CTIF: variants seen among roughly 807,000 people sequenced by gnomAD.
The protein encoded by CTIF is CBP80/20-dependent translation initiation factor.
Under a neutral mutation model 66.0 loss-of-function variants are expected in CTIF, and 21 were observed. The observed-to-expected ratio is 0.32, with a 90% confidence interval of 0.23 to 0.46. The LOEUF is 0.46. CTIF is among the 20% of genes least tolerant of loss of function. The pLI is 1.00. For missense variants in CTIF, 739 were observed against 812.7 expected (o/e 0.91, Z 1.10); for synonymous variants, 345 against 326.4 (o/e 1.06, Z -0.62).
At chr18:48,542,007 A>C (rs1344090319) in intron 1 of CTIF, among the ~76,000 whole-genome samples, 4 of 152,142 alleles carry the variant, frequency 2.6e-5, no homozygotes, top group Non-Finnish European at 5.9e-5. Flanking sequence ...TATGGCATTT[A>C]ATTAATAGTG....
At chr18:48,722,913 GC>G (rs1294339038) in intron 7 of CTIF, among the ~76,000 whole-genome samples, 1 of 152,208 alleles carries the variant, frequency 6.6e-6, no homozygotes, top group Non-Finnish European at 1.5e-5. Context: ...GGCAAGCCTG[GC>G]CCACCCTCTG....
At chr18:48,553,188 T>G (rs1028946277) in intron 1 of CTIF, among the ~76,000 whole-genome samples, 1 of 152,244 alleles carries the variant, frequency 6.6e-6, no homozygotes, top group African/African-American at 2.4e-5. Flanking sequence ...AGGTTTGTTC[T>G]AGGCTTTTGA....
At chr18:48,820,178 C>T (rs2068453230) in intron 10 of CTIF, among the ~76,000 whole-genome samples, 1 of 152,192 alleles carries the variant, frequency 6.6e-6, no homozygotes, top group South Asian at 2.1e-4. Flanking sequence ...GAAATCTTGG[C>T]TTCCCTAAAA....
At chr18:48,634,037 T>G (rs879367924) in intron 2 of CTIF, among the ~76,000 whole-genome samples, 1 of 152,218 alleles carries the variant, frequency 6.6e-6, no homozygotes, top group Non-Finnish European at 1.5e-5. Context: ...AATTTGCATG[T>G]AATTGCCACA....
At chr18:48,672,380 T>C (rs1482642532) in intron 6 of CTIF, among the ~76,000 whole-genome samples, 2 of 152,114 alleles carry the variant, frequency 1.3e-5, no homozygotes. Context: ...ATGTGGGATA[T>C]TTAGGACTCC....
intron 1 of CTIF, among the ~76,000 whole-genome samples, chr18:48,554,256 A>T (rs1045923361): frequency 6.6e-6 from 1 of 152,164 alleles, no homozygotes; most frequent in African/African-American, 2.4e-5. Flanking sequence ...GAAACCAGTG[A>T]CTTGGCCAAG....
At chr18:48,573,934 T>A (rs1190012296) in intron 1 of CTIF, among the ~76,000 whole-genome samples, 5 of 152,210 alleles carry the variant, frequency 3.3e-5, no homozygotes, top group African/African-American at 1.2e-4. Context: ...TGGTGGCTGG[T>A]GTCATTACCC....
intron 2 of CTIF, among the ~76,000 whole-genome samples, chr18:48,622,308 G>A (rs2090510020): frequency 2.0e-5 from 3 of 152,112 alleles, no homozygotes; most frequent in African/African-American, 7.2e-5. Context: ...CCAGGAGTGG[G>A]GTGTTTGAAA....
intron 7 of CTIF, among the ~76,000 whole-genome samples, chr18:48,720,346 A>G (rs1222702286): frequency 2.0e-5 from 3 of 152,100 alleles, no homozygotes; most frequent in Non-Finnish European, 4.4e-5. Flanking sequence ...CTTCATTTGC[A>G]CCATGCTGGG....
At chr18:48,596,741 G>T (rs1040395428) in intron 1 of CTIF, among the ~76,000 whole-genome samples, 1 of 152,152 alleles carries the variant, frequency 6.6e-6, no homozygotes, top group African/African-American at 2.4e-5. Flanking sequence ...CTCCCAAAGT[G>T]CTGGGATTAC....
At position 48,695,415 on chromosome 18, in the gene CTIF, T is replaced by A. The variant is rs9961736; in HGVS notation, c.508-16204T>A. 2.4e-3 allele frequency among the ~76,000 whole-genome samples: 367 copies of A among 152,322 alleles called. 1 individual carries two copies. Among genetic ancestry groups the A allele is most frequent in the African/African-American group, 8.7e-3 (361 of 41,568 alleles). ...GGGAACCCACGCACACACTTCTGGATGGGCACTCGCTGCCGTCAGTGCTGG... is the reference window on the plus strand; with the variant it reads ...GGGAACCCACGCACACACTTCTGGAAGGGCACTCGCTGCCGTCAGTGCTGG... On this transcript the variant is annotated intron_variant, in intron 6 of 11. Transcript: ENST00000256413.
intron 2 of CTIF, among the ~76,000 whole-genome samples, chr18:48,623,053 G>A (rs894616678): frequency 4.6e-5 from 7 of 152,362 alleles, no homozygotes; most frequent in Middle Eastern, 3.4e-3. Context: ...CCCTCCCAGC[G>A]CTTTCAGTCT....
At chr18:48,743,717 A>G (rs908700154) in intron 7 of CTIF, among the ~76,000 whole-genome samples, 1 of 152,262 alleles carries the variant, frequency 6.6e-6, no homozygotes, top group African/African-American at 2.4e-5. Context: ...TTCCAATAAC[A>G]TATCAATCTA....
At chr18:48,658,130 ATG>A (rs1231273808) in intron 3 of CTIF, among the ~76,000 whole-genome samples, 1 of 151,950 alleles carries the variant, frequency 6.6e-6, no homozygotes, top group Non-Finnish European at 1.5e-5. Context: ...ATGTATGTGT[ATG>A]TGTGTGTGGT....
chr18:48,729,483 G>A (rs2092417731), intron 7 of CTIF, among the ~76,000 whole-genome samples: 1 of 152,206 alleles, frequency 6.6e-6, no homozygotes, highest in South Asian at 2.1e-4. Context: ...GGCTCCCCCA[G>A]CCTTTCTCAC....
At chr18:48,664,395 AACT>A in intron 4 of CTIF, 49 bp from the exon 5 acceptor site, 1 of 1,493,692 alleles carries the variant, frequency 6.7e-7, no homozygotes, top group African/African-American at 1.4e-5. Context: ...TTCCGTCAGT[AACT>A]GGGCTGTTGC....
At chr18:48,555,246 A>G (rs1176755617) in intron 1 of CTIF, among the ~76,000 whole-genome samples, 1 of 152,206 alleles carries the variant, frequency 6.6e-6, no homozygotes, top group Non-Finnish European at 1.5e-5. Flanking sequence ...CTTCATGGGC[A>G]GCTTCTAGAT....
chr18:48,634,395 A>G lies in CTIF; in HGVS notation c.181-2219A>G, dbSNP rs962848446. 5.3e-5 allele frequency among the ~76,000 whole-genome samples: 8 copies of G among 152,282 alleles called. No individual in the cohort carries two copies. The South Asian group carries it at 1.0e-3, about 20-fold the overall frequency. On this transcript the variant is annotated intron_variant, in intron 2 of 11. Coordinates refer to ENST00000256413, the MANE Select transcript of CTIF (RefSeq NM_014772.3). ...TTGGGGGAAATACTTTGAGACTGCA[A>G]TGATCCAAGCAGAGGGAATTTAATA...
chr18:48,576,519 G>A (rs940550735), intron 1 of CTIF, among the ~76,000 whole-genome samples: 1 of 152,206 alleles, frequency 6.6e-6, no homozygotes, highest in Non-Finnish European at 1.5e-5. Context: ...CTTTCTATGC[G>A]GTTCTCTGCT....
Sources: allele counts gnomAD v4.1 joint callset (sites outside exome capture counted in the v4.1 genomes callset), GRCh38; gene constraint gnomAD v4.1.1; transcripts MANE v1.5; gene names NCBI Gene and HGNC (gene_info 2026-07-23, HGNC 2026-07-21).